Variants in IGFL4 observed in about 807,000 individuals in gnomAD.
IGFL4 encodes insulin growth factor-like family member 4.
A neutral mutation model predicts 15.4 loss-of-function variants in IGFL4; 12 were observed. The observed-to-expected ratio is 0.78, with a 90% CI of 0.50 to 1.26. The LOEUF is 1.26. Among genes scored for constraint, IGFL4 ranks in the 50% most tolerant of loss-of-function variants. The probability of loss-of-function intolerance (pLI) is 0.00; values close to 1 mark genes in which losing one functional copy is unlikely to be tolerated. For synonymous variants in IGFL4, 54 were observed against 55.9 expected, an observed-to-expected ratio of 0.97 and a Z score of 0.16; for missense variants, 126 against 147.8, an observed-to-expected ratio of 0.85 and a Z score of 0.76.
chr19:46,045,443 C>CAAA (rs34422465), upstream of IGFL4, among the ~76,000 whole-genome samples: 187 of 101,098 alleles, frequency 1.8e-3, 3 homozygotes, highest in African/African-American at 4.3e-3. Context: ...AACTCTGTCT[C>CAAA]AAAAAAAAAA....
intron 2 of IGFL4, among the ~76,000 whole-genome samples, chr19:46,051,950 C>T (rs1167775269): frequency 6.6e-6 from 1 of 152,142 alleles, no homozygotes; most frequent in Admixed American, 6.5e-5. Flanking sequence ...TCTAAATATA[C>T]ATGCACCTAA....
At chr19:46,077,460 G>A (rs777510948), upstream of IGFL4, among the ~76,000 whole-genome samples, 44 of 152,206 alleles carry the variant, frequency 2.9e-4, no homozygotes, top group Non-Finnish European at 6.0e-4. This position sits in a 1 kb window ranked among gnomAD's most constrained non-coding sequence, Gnocchi z 5.4. Flanking sequence ...TAGCTCGGGG[G>A]CAGCCAAAAG....
At chr19:46,044,998 C>A (rs1016483718), upstream of IGFL4, among the ~76,000 whole-genome samples, 6 of 152,130 alleles carry the variant, frequency 3.9e-5, no homozygotes, top group African/African-American at 9.7e-5. Context: ...CAAAGGTAAA[C>A]CCACACAGAT....
At chr19:46,075,839 G>A (rs547401941) in intron 1 of IGFL4, among the ~76,000 whole-genome samples, 1 of 152,192 alleles carries the variant, frequency 6.6e-6, no homozygotes, top group East Asian at 1.9e-4. Context: ...CTGTATTAGA[G>A]ATTTGTCTCT....
At chr19:46,068,365 G>A (rs998969754) in intron 1 of IGFL4, among the ~76,000 whole-genome samples, 7 of 152,192 alleles carry the variant, frequency 4.6e-5, no homozygotes, top group Admixed American at 2.6e-4. Flanking sequence ...TCTGAGTGTC[G>A]AATCTCATCA....
chr19:46,054,999 A>G (rs1040493568), intron 2 of IGFL4, among the ~76,000 whole-genome samples: 3 of 152,190 alleles, frequency 2.0e-5, no homozygotes, highest in Non-Finnish European at 4.4e-5. Context: ...CCTATAGCCA[A>G]CTTGGACATC....
At chr19:46,076,866 C>G (rs533075824) in intron 1 of IGFL4, among the ~76,000 whole-genome samples, 14 of 152,268 alleles carry the variant, frequency 9.2e-5, no homozygotes, top group African/African-American at 2.9e-4. Context: ...GTTCACTGAC[C>G]TAGCTTCTGT....
At chr19:46,066,020 C>T (rs181772843) in intron 1 of IGFL4, among the ~76,000 whole-genome samples, 12 of 152,272 alleles carry the variant, frequency 7.9e-5, no homozygotes, top group Admixed American at 4.6e-4. Context: ...CTGAGAGACC[C>T]TTAAGGCTGA....
chr19:46,052,071 G>T (rs1969349981), intron 2 of IGFL4, among the ~76,000 whole-genome samples: 1 of 152,162 alleles, frequency 6.6e-6, no homozygotes, highest in African/African-American at 2.4e-5. Context: ...GCACTAGACA[G>T]GTCATCAAGG....
rs1568709212 is a variant in IGFL4 at position 46,040,540 on chromosome 19, A to T, written c.48T>A (p.Gly16=). 6.2e-7 allele frequency: 1 copy of T among 1,614,062 alleles called. No individual in the cohort carries two copies. Among genetic ancestry groups the T allele is most frequent in the Non-Finnish European group, 8.5e-7 (1 of 1,180,052 alleles). Residue 16 remains glycine (G), a synonymous_variant, in exon 2 of 4, where the codon GGT becomes GGA. Coordinates refer to ENST00000377697, the MANE Select transcript of IGFL4 (RefSeq NM_001002923.3). The surrounding 1 kb of genome is among the most constrained non-coding windows in gnomAD (Gnocchi z 4.1). Reference sequence around the variant, plus strand: ...CACCTGTGACTCCTTCTGAGTTTGAACCCAAAAGTTCAAAAATGAAGATGG... The same window carrying T: ...CACCTGTGACTCCTTCTGAGTTTGATCCCAAAAGTTCAAAAATGAAGATGG... ...SAAIFIFELL[G]SNSEGVTDLR...
rs1352321333 is a variant in IGFL4, at chr19:46,040,020, AGACAGAGTTGCATGGTTAC to A, written c.331-103_331-85del. The A allele has an allele frequency of 8.6e-6, 13 of 1,506,022 alleles. No individual in the cohort carries two copies. The East Asian group carries it at 2.5e-4, about 29-fold the overall frequency. The allele number at this position is 1,506,022 out of a possible 1,614,324, so 93.3% of individuals were successfully genotyped here. On this transcript the variant is annotated intron_variant, in intron 3 of 3. Transcript: ENST00000377697. This position sits in a 1 kb window ranked among gnomAD's most constrained non-coding sequence, Gnocchi z 4.1. The stretch of plus-strand genomic sequence containing the variant: ...GGGGAAGGAACAGAGACATGGAGAA[AGACAGAGTTGCATGGTTAC>A]TGAGAGATGGGAAGGTATGGAACCC...
Position 46,073,233 on chromosome 19 carries a change from C to T in IGFL4, c.-432+3787G>A, listed in dbSNP as rs541323198. On this transcript the variant is annotated intron_variant, in intron 1 of 5. Coordinates refer to the IGFL4 transcript ENST00000601672. Reference sequence around the variant, plus strand: ...TAAATCTAAAATTATTTCAAAATGGCAGGTTAAAAAGTATTTTAAATGATA... The same window carrying T: ...TAAATCTAAAATTATTTCAAAATGGTAGGTTAAAAAGTATTTTAAATGATA... Among the ~76,000 whole-genome samples the T allele has an allele frequency of 2.0e-5, 3 of 152,156 alleles. No individual in the cohort carries two copies. The South Asian group carries it at 6.2e-4, about 32-fold the overall frequency.
intron 1 of IGFL4, among the ~76,000 whole-genome samples, chr19:46,065,256 A>T (rs1222363803): frequency 2.7e-5 from 4 of 150,930 alleles, no homozygotes; most frequent in African/African-American, 4.9e-5. Flanking sequence ...TATTTTTCTT[A>T]TTCTGTGTGT....
In IGFL4 at chr19:46,040,481, A is replaced by G. The variant is rs761959333; in HGVS notation, c.70+37T>C. 3 of 1,613,996 alleles carry G rather than the reference A, an allele frequency of 1.9e-6. No individual in the cohort carries two copies. In the South Asian group the frequency reaches 3.3e-5, roughly 18 times the overall value. ...TAGGACCACCTCCCCACCAACCTTA[A>G]TGCTGTTCTCTCCTCCCTCACTGCA... On this transcript the variant is annotated intron_variant, in intron 2 of 3. Transcript: ENST00000377697. This position sits in a 1 kb window ranked among gnomAD's most constrained non-coding sequence, Gnocchi z 4.1.
At chr19:46,043,021 C>T (rs562173542), upstream of IGFL4, among the ~76,000 whole-genome samples, 15 of 152,126 alleles carry the variant, frequency 9.9e-5, no homozygotes, top group Non-Finnish European at 1.6e-4. Flanking sequence ...TTGAGGTCGC[C>T]GGGGCAGTAG....
At chr19:46,073,154 TAGACGAAGTTGGGTGAA>T (rs1969562620) in intron 1 of IGFL4, among the ~76,000 whole-genome samples, 1 of 152,192 alleles carries the variant, frequency 6.6e-6, no homozygotes, top group Non-Finnish European at 1.5e-5. Context: ...ATGTTAACAT[TAGACGAAGTTGGGTGAA>T]AGATCAAAAC....
At chr19:46,041,835 CTCT>C (rs1969247037), upstream of IGFL4, among the ~76,000 whole-genome samples, 1 of 122,796 alleles carries the variant, frequency 8.1e-6, no homozygotes, top group African/African-American at 3.2e-5. Context: ...CCTCCTCTCT[CTCT>C]TTTTTTTTTT....
At chr19:46,047,210 A>G (rs1237447840) in intron 2 of IGFL4, among the ~76,000 whole-genome samples, 1 of 152,230 alleles carries the variant, frequency 6.6e-6, no homozygotes, top group Non-Finnish European at 1.5e-5. Flanking sequence ...AATGAGAACT[A>G]AGAGACAATG....
In IGFL4 at chr19:46,055,628, G is replaced by A. The variant is rs117625935; in HGVS notation, c.-323+4557C>T. Among the ~76,000 whole-genome samples the A allele has an allele frequency of 3.3e-3, 503 of 152,258 alleles. 2 individuals are homozygous for A. The highest frequency in any genetic ancestry group is 5.4e-3 in the Non-Finnish European group (369 of 68,024). On this transcript the variant is annotated intron_variant, in intron 2 of 5. Transcript: ENST00000601672. Reference sequence around the variant, plus strand: ...ACTACATCATTAATTGCATCCTTCAGTTCTGGTCCTTATAAGTGGAAAGAG... The same window carrying A: ...ACTACATCATTAATTGCATCCTTCAATTCTGGTCCTTATAAGTGGAAAGAG...
Sources: gnomAD v4.1 joint callset for allele counts (sites outside exome capture counted in the v4.1 genomes callset) on GRCh38, gnomAD v4.1.1 for gene constraint, Gnocchi (gnomAD v3.1) non-coding constraint, MANE v1.5 for transcripts, NCBI Gene and HGNC (gene_info 2026-07-23, HGNC 2026-07-21) for gene names.